Variants in MYH1 observed in about 807,000 individuals in gnomAD.
The protein encoded by MYH1 is myosin heavy chain 1.
A neutral mutation model predicts 225.6 loss-of-function variants in MYH1; 214 were observed. The ratio of observed to expected loss-of-function variants is 0.95; its 90% CI spans 0.85 to 1.06. The LOEUF (loss-of-function observed/expected upper bound fraction) is 1.06, where lower values mean the gene tolerates loss of function less well. Ranked by LOEUF, MYH1 falls within the 50% of genes least tolerant of loss-of-function variation. The pLI, the probability that MYH1 is intolerant of heterozygous loss-of-function variation, is 0.00. For missense variants in MYH1, 2,098 were observed against 2,344.2 expected, an observed-to-expected ratio of 0.89 and a Z score of 2.17; for synonymous variants, 774 against 842.3, an observed-to-expected ratio of 0.92 and a Z score of 1.40.
chr17:10,500,510 G>A (rs2063568904), intron 28 of MYH1, 116 bp downstream of exon 28: 4 of 1,467,770 alleles, frequency 2.7e-6, no homozygotes, highest in Non-Finnish European at 3.7e-6. Flanking sequence ...TCATATTAGT[G>A]GGGATCTCCC....
chr17:10,497,487 A>G (rs2073009125), intron 31 of MYH1, 35 bp from the exon 32 acceptor site: 2 of 1,583,646 alleles, frequency 1.3e-6, no homozygotes, highest in Non-Finnish European at 1.7e-6. Flanking sequence ...AATTTAGTGG[A>G]CAAAATTTGA....
At position 10,505,373 on chromosome 17, in the gene MYH1, T is replaced by C. The variant is rs993199759; in HGVS notation, c.2298+15A>G. 1 of 1,614,216 alleles carries C rather than the reference T, an allele frequency of 6.2e-7. No individual in the cohort carries two copies. Among genetic ancestry groups the C allele is most frequent in the Non-Finnish European group, 8.5e-7 (1 of 1,180,028 alleles). On this transcript the variant is annotated intron_variant, in intron 20 of 39. Coordinates refer to ENST00000226207, the MANE Select transcript of MYH1 (RefSeq NM_005963.4). Reference sequence around the variant, plus strand: ...GGGACAGGAATAGCATCAGGTAGGATTTACAGAATATTACCTTGGTGTGAC... The same window carrying C: ...GGGACAGGAATAGCATCAGGTAGGACTTACAGAATATTACCTTGGTGTGAC...
chr17:10,514,809 G>A (rs1389193056), intron 6 of MYH1, 59 bp downstream of exon 6: 1 of 1,505,680 alleles, frequency 6.6e-7, no homozygotes, highest in Non-Finnish European at 9.2e-7. Context: ...TCTTTTTTTG[G>A]TTTGTCATTT....
chr17:10,507,273 G>T (rs915633936), intron 17 of MYH1, among the ~76,000 whole-genome samples: 3 of 152,142 alleles, frequency 2.0e-5, no homozygotes, highest in Non-Finnish European at 2.9e-5. Context: ...ATGTTGGCCA[G>T]GCTAGTCTCG....
intron 17 of MYH1, 66 bp downstream of exon 17, chr17:10,507,820 T>C (rs1257938974): frequency 2.5e-5 from 35 of 1,395,684 alleles, no homozygotes; most frequent in Admixed American, 3.6e-5. Context: ...GTTAGTTTTT[T>C]CCCCCACACC....
intron 22 of MYH1, 71 bp from the exon 23 acceptor site, chr17:10,503,319 T>C: frequency 6.4e-7 from 1 of 1,570,052 alleles, no homozygotes; most frequent in Non-Finnish European, 8.6e-7. Context: ...ATTAATATTT[T>C]GAAACCAAAC....
chr17:10,492,870 G>A (rs1163982427), intron 39 of MYH1, among the ~76,000 whole-genome samples: 1 of 147,202 alleles, frequency 6.8e-6, no homozygotes, highest in African/African-American at 2.5e-5. Context: ...TTGTTTGTTT[G>A]TTTTTTTCAG....
chr17:10,501,018 T>C, intron 27 of MYH1, 92 bp downstream of exon 27: 1 of 1,558,210 alleles, frequency 6.4e-7, no homozygotes, highest in Non-Finnish European at 8.7e-7. Context: ...GGTGCCTGAT[T>C]TAGTTCATGA....
chr17:10,493,799 T>C (rs1011220576), intron 39 of MYH1, among the ~76,000 whole-genome samples: 2 of 152,246 alleles, frequency 1.3e-5, no homozygotes, highest in African/African-American at 4.8e-5. Context: ...TTAGCAATCT[T>C]GTAGTTTCTA....
chr17:10,497,942 G>T, intron 30 of MYH1, 25 bp from the exon 31 acceptor site: 1 of 1,576,264 alleles, frequency 6.3e-7, no homozygotes, highest in South Asian at 1.2e-5. Context: ...CAATAAAAGT[G>T]AATGGCTGTC....
At chr17:10,508,700 A>T in intron 15 of MYH1, 28 bp from the exon 16 acceptor site, 5 of 1,607,954 alleles carry the variant, frequency 3.1e-6, no homozygotes, top group Non-Finnish European at 4.3e-6. Flanking sequence ...AATAAATGCC[A>T]CTTGAATTCT....
chr17:10,494,973 G>A lies in MYH1; in HGVS notation c.5424C>T (p.Ala1808=). The change falls in exon 37 of 40, where the codon GCC becomes GCT. Residue 1808 remains alanine (A), a synonymous_variant. Coordinates refer to ENST00000226207, the MANE Select transcript of MYH1 (RefSeq NM_005963.4). ...QHRLDEAEQL[A]LKGGKKQIQK... is the part of the protein sequence containing the mutation. The stretch of plus-strand genomic sequence containing the variant: ...GGATCTGCTTCTTCCCACCCTTCAG[G>A]GCCAGCTGCTCAGCCTCATCCAGAC... The A allele has an allele frequency of 1.2e-6, 2 of 1,613,978 alleles. No individual in the cohort carries two copies. The highest frequency in any genetic ancestry group is 8.5e-7 in the Non-Finnish European group (1 of 1,180,004).
Position 10,500,747 on chromosome 17 carries a change from G to T in MYH1, c.3744C>A (p.Asn1248Lys). The change falls in exon 28 of 40, where the codon AAC becomes AAA. Residue 1248 changes from asparagine to lysine, a missense_variant. Asn to Lys is a moderately conservative substitution (Grantham distance 94, BLOSUM62 0). Coordinates refer to ENST00000226207, the MANE Select transcript of MYH1 (RefSeq NM_005963.4). The part of the protein sequence containing the change: ...NMETVSKAKG[N>K]LEKMCRALED... Reference sequence around the variant, plus strand: ...CTAGAGCGCGGCACATCTTTTCAAGGTTTCCCTGCATTCAAAAAGTGGTAG... The same window carrying T: ...CTAGAGCGCGGCACATCTTTTCAAGTTTTCCCTGCATTCAAAAAGTGGTAG... 2 of 1,614,074 alleles carry T rather than the reference G, an allele frequency of 1.2e-6. No homozygotes were observed. The highest frequency in any genetic ancestry group is 1.7e-6 in the Non-Finnish European group (2 of 1,180,006).
At chr17:10,494,274 C>T (rs903004214) in intron 39 of MYH1, 80 bp downstream of exon 39, 1 of 1,345,768 alleles carries the variant, frequency 7.4e-7, no homozygotes, top group South Asian at 1.3e-5. Flanking sequence ...CCTCATTTTA[C>T]TCATCTTTTC....
intron 15 of MYH1, 132 bp downstream of exon 15, chr17:10,509,353 G>T: frequency 7.1e-7 from 1 of 1,411,362 alleles, no homozygotes; most frequent in Non-Finnish European, 9.7e-7. Context: ...CTTCAGAGTT[G>T]GCAAAATAAG....
intron 2 of MYH1, among the ~76,000 whole-genome samples, chr17:10,517,858 T>C (rs993398928): frequency 3.5e-4 from 54 of 152,236 alleles, no homozygotes; most frequent in African/African-American, 1.2e-3. Flanking sequence ...TTTATATTTA[T>C]AGTGCTGAGG....
At chr17:10,495,441 A>G (rs1324921510) in intron 35 of MYH1, 124 bp from the exon 36 acceptor site, 10 of 1,328,420 alleles carry the variant, frequency 7.5e-6, no homozygotes, top group Non-Finnish European at 8.2e-6. Context: ...TTGTTTCATA[A>G]ATTATCTGAG....
Position 10,494,417 on chromosome 17 carries a change from G to A in MYH1, c.5604C>T (p.Leu1868=). The A allele has an allele frequency of 6.2e-7, 1 of 1,614,106 alleles. No individual in the cohort carries two copies. The highest frequency in any genetic ancestry group is 1.1e-5 in the South Asian group (1 of 91,072). The change falls in exon 39 of 40, where the codon CTC becomes CTT. Residue 1868 remains leucine (L), a synonymous_variant. Coordinates refer to ENST00000226207, the MANE Select transcript of MYH1 (RefSeq NM_005963.4). The part of the protein sequence containing the change: ...TEEDRKNILR[L]QDLVDKLQAK... ...CTTGCAGTTTGTCCACCAGGTCCTG[G>A]AGCCTGAGAATATTCTTGCGGTCTT...
At position 10,504,891 on chromosome 17, in the gene MYH1, G is replaced by A. The variant is rs1198526505; in HGVS notation, c.2610C>T (p.Thr870=). 13 of 1,613,678 alleles carry A rather than the reference G, an allele frequency of 8.1e-6. No individual in the cohort carries two copies. Among genetic ancestry groups the A allele is most frequent in the Middle Eastern group, 1.6e-4 (1 of 6,084 alleles). The part of the protein sequence containing the change: ...FEKTKEELAK[T]EAKRKELEEK... Reference sequence around the variant, plus strand: ...CTTCCAGCTCTTTCCTTTTTGCCTCGGTCTTAGCCAGCTCTTCTTTGGTTT... The same window carrying A: ...CTTCCAGCTCTTTCCTTTTTGCCTCAGTCTTAGCCAGCTCTTCTTTGGTTT... The change falls in exon 22 of 40, where the codon ACC becomes ACT. Residue 870 remains threonine, a synonymous_variant. Coordinates refer to ENST00000226207, the MANE Select transcript of MYH1 (RefSeq NM_005963.4).
Sources: gnomAD v4.1 joint callset for allele counts (sites outside exome capture counted in the v4.1 genomes callset) on GRCh38, gnomAD v4.1.1 for gene constraint, MANE v1.5 for transcripts, NCBI Gene and HGNC (gene_info 2026-07-23, HGNC 2026-07-21) for gene names.